VPS13B: variants seen among roughly 807,000 people sequenced by gnomAD.
VPS13B encodes vacuolar protein sorting 13 homolog B, also known as intermembrane lipid transfer protein VPS13B.
In VPS13B, 285 loss-of-function variants were observed where a neutral mutation model predicts 426.4. That is an observed-to-expected ratio of 0.67 (90% CI 0.61 to 0.74). VPS13B has a LOEUF of 0.74. Ranked by LOEUF, VPS13B falls within the 30% of genes least tolerant of loss-of-function variation. The pLI is 0.00. For synonymous variants in VPS13B, 1,676 were observed against 1,676.4 expected (o/e 1.00, Z 0.01); for missense variants, 4,537 against 4,782.6 (o/e 0.95, Z 1.51).
At position 99,207,507 on chromosome 8, in the gene VPS13B, T is replaced by C. The variant is rs558240521; in HGVS notation, c.2515+14450T>C. Among the ~76,000 whole-genome samples, 3 of 152,278 alleles carry C rather than the reference T, an allele frequency of 2.0e-5. No homozygotes were observed. The South Asian group carries it at 6.2e-4, about 32-fold the overall frequency. ...TTAGTGAAAGAAAATATATAAAGTG[T>C]AAGTGTACAGAGTAGATTTGAGAAA... is the stretch of plus-strand genomic sequence containing the variant. On this transcript the variant is annotated intron_variant, in intron 17 of 61. Coordinates refer to ENST00000357162, the MANE Select transcript of VPS13B (RefSeq NM_152564.5).
At chr8:99,291,369 T>C (rs758216120) in intron 19 of VPS13B, among the ~76,000 whole-genome samples, 13 of 152,162 alleles carry the variant, frequency 8.5e-5, no homozygotes, top group Non-Finnish European at 1.8e-4. Context: ...GGAATTATTC[T>C]AAGCATTTTA....
At chr8:99,024,952 C>G (rs1449471348) in intron 2 of VPS13B, among the ~76,000 whole-genome samples, 1 of 152,030 alleles carries the variant, frequency 6.6e-6, no homozygotes. Flanking sequence ...TTTGTGTCTT[C>G]CTCAATTTCT....
intron 25 of VPS13B, among the ~76,000 whole-genome samples, chr8:99,492,458 T>C (rs1820660309): frequency 6.6e-6 from 1 of 152,250 alleles, no homozygotes; most frequent in Admixed American, 6.5e-5. Flanking sequence ...TTGTTCAGTA[T>C]GCCCTGCCCA....
chr8:99,058,103 A>G (rs1843980537), intron 3 of VPS13B, among the ~76,000 whole-genome samples: 1 of 152,020 alleles, frequency 6.6e-6, no homozygotes, highest in Non-Finnish European at 1.5e-5. Context: ...TTTATATACA[A>G]AATCAACATT....
At chr8:99,137,083 T>G (rs187776596) in intron 12 of VPS13B, among the ~76,000 whole-genome samples, 1 of 152,108 alleles carries the variant, frequency 6.6e-6, no homozygotes, top group Non-Finnish European at 1.5e-5. Flanking sequence ...AAATACACTT[T>G]GAAGGTGATA....
At chr8:99,556,235 T>A (rs1824554539) in intron 30 of VPS13B, among the ~76,000 whole-genome samples, 1 of 152,122 alleles carries the variant, frequency 6.6e-6, no homozygotes, top group South Asian at 2.1e-4. Context: ...CATTATAGTG[T>A]AGATTACTGT....
chr8:99,871,330 T>G, intron 60 of VPS13B, 118 bp from the exon 61 acceptor site: 3 of 1,473,414 alleles, frequency 2.0e-6, no homozygotes, highest in Non-Finnish European at 2.8e-6. Context: ...AATGGGTAAC[T>G]GGATTGGTGA....
intron 33 of VPS13B, among the ~76,000 whole-genome samples, chr8:99,638,686 T>C (rs991740280): frequency 2.0e-5 from 3 of 152,152 alleles, no homozygotes; most frequent in African/African-American, 4.8e-5. Flanking sequence ...ACGGAAGAGA[T>C]AGGATTCTTT....
intron 61 of VPS13B, among the ~76,000 whole-genome samples, chr8:99,873,486 CAG>C (rs893062481): frequency 5.9e-5 from 9 of 152,180 alleles, no homozygotes; most frequent in Non-Finnish European, 8.8e-5. Flanking sequence ...ATGCCTAAAA[CAG>C]AAGTGGGAAG....
At chr8:99,561,305 A>G (rs986724163) in intron 31 of VPS13B, among the ~76,000 whole-genome samples, 4 of 152,322 alleles carry the variant, frequency 2.6e-5, no homozygotes, top group African/African-American at 9.6e-5. Flanking sequence ...ATAGAATCAT[A>G]TGATATGTGA....
At chr8:99,544,615 C>T (rs925043529) in intron 30 of VPS13B, among the ~76,000 whole-genome samples, 1 of 151,960 alleles carries the variant, frequency 6.6e-6, no homozygotes, top group Non-Finnish European at 1.5e-5. Flanking sequence ...TTCTACCTAC[C>T]GCTTTTTGCT....
At chr8:99,128,388 A>C (rs927262376) in intron 8 of VPS13B, among the ~76,000 whole-genome samples, 1 of 1,426 alleles carries the variant, frequency 7.0e-4, no homozygotes, top group African/African-American at 1.6e-3. Context: ...TACTGTCCCA[A>C]AAAAAAAAAA....
At chr8:99,753,438 C>A (rs1193486515) in intron 39 of VPS13B, among the ~76,000 whole-genome samples, 1 of 152,092 alleles carries the variant, frequency 6.6e-6, no homozygotes, top group Non-Finnish European at 1.5e-5. Context: ...AATATCTGAA[C>A]AGTTAGAAAT....
chr8:99,507,791 T>G, intron 28 of VPS13B: 1 of 1,614,028 alleles, frequency 6.2e-7, no homozygotes, highest in Non-Finnish European at 8.5e-7. Flanking sequence ...AGTGTTGGTC[T>G]TTGGGGCAAT....
At chr8:99,779,891 G>A (rs1397743354) in intron 42 of VPS13B, among the ~76,000 whole-genome samples, 3 of 152,232 alleles carry the variant, frequency 2.0e-5, no homozygotes, top group Admixed American at 6.5e-5. Flanking sequence ...CTGGCTACCC[G>A]AGAGAAACGG....
At chr8:99,839,070 T>A (rs957758592) in intron 54 of VPS13B, among the ~76,000 whole-genome samples, 1 of 152,212 alleles carries the variant, frequency 6.6e-6, no homozygotes. Flanking sequence ...GTCATTGCAT[T>A]GTTTATGAAA....
intron 16 of VPS13B, among the ~76,000 whole-genome samples, chr8:99,178,869 G>A (rs552597952): frequency 3.3e-5 from 5 of 152,056 alleles, no homozygotes; most frequent in African/African-American, 1.2e-4. Flanking sequence ...TGAGCCACCC[G>A]CCTCGGCCTC....
chr8:99,626,884 A>C (rs934704614), intron 33 of VPS13B, among the ~76,000 whole-genome samples: 28 of 152,246 alleles, frequency 1.8e-4, no homozygotes, highest in Non-Finnish European at 3.5e-4. Flanking sequence ...GTTTATCAAC[A>C]GATGAATGGA....
chr8:99,584,087 G>A (rs1450735830), intron 33 of VPS13B, among the ~76,000 whole-genome samples: 2 of 152,072 alleles, frequency 1.3e-5, no homozygotes, highest in African/African-American at 4.8e-5. Flanking sequence ...ATGGATTCAA[G>A]CAGAGCCTTA....
Sources: gnomAD v4.1 joint callset for allele counts (sites outside exome capture counted in the v4.1 genomes callset) on GRCh38, gnomAD v4.1.1 for gene constraint, MANE v1.5 for transcripts, NCBI Gene and HGNC (gene_info 2026-07-23, HGNC 2026-07-21) for gene names.